Variants in PTPRK observed in about 807,000 individuals in gnomAD.
PTPRK encodes the protein protein tyrosine phosphatase receptor type K, also known as receptor-type tyrosine-protein phosphatase kappa.
In PTPRK, 75 loss-of-function variants were observed where a neutral mutation model predicts 178.0. The observed-to-expected ratio is 0.42, with a 90% confidence interval of 0.35 to 0.51. PTPRK has a LOEUF of 0.51. Ranked by LOEUF, PTPRK falls within the 20% of genes least tolerant of loss-of-function variation. The pLI is 0.02. For missense variants in PTPRK, 1,441 were observed against 1,797.8 expected, an observed-to-expected ratio of 0.80 and a Z score of 3.59; for synonymous variants, 637 against 620.6, an observed-to-expected ratio of 1.03 and a Z score of -0.39.
At chr6:128,400,680 A>G (rs1309942016) in intron 1 of PTPRK, among the ~76,000 whole-genome samples, 5 of 152,192 alleles carry the variant, frequency 3.3e-5, no homozygotes, top group African/African-American at 9.7e-5. Context: ...TACAGTTCCT[A>G]TTGACCATTT....
intron 1 of PTPRK, among the ~76,000 whole-genome samples, chr6:128,438,643 A>T (rs183846922): frequency 1.3e-5 from 2 of 152,352 alleles, no homozygotes; most frequent in Admixed American, 1.3e-4. Context: ...ATCAACTTAC[A>T]AAAAGATACA....
chr6:128,378,318 G>A (rs1837392273), intron 2 of PTPRK, among the ~76,000 whole-genome samples: 1 of 151,854 alleles, frequency 6.6e-6, no homozygotes, highest in African/African-American at 2.4e-5. Flanking sequence ...AATTTTGAAA[G>A]CAAAACAAAA....
At chr6:128,496,112 G>C (rs985862900) in intron 1 of PTPRK, among the ~76,000 whole-genome samples, 1 of 152,066 alleles carries the variant, frequency 6.6e-6, no homozygotes, top group African/African-American at 2.4e-5. Flanking sequence ...AGGATGAAAA[G>C]TCCACAATGA....
At chr6:128,166,612 T>C (rs1467989825) in intron 7 of PTPRK, among the ~76,000 whole-genome samples, 1 of 151,778 alleles carries the variant, frequency 6.6e-6, no homozygotes, top group African/African-American at 2.4e-5. Context: ...CTTTTATTAC[T>C]AGTACATTTA....
At chr6:128,060,391 G>A (rs1780608286) in intron 13 of PTPRK, among the ~76,000 whole-genome samples, 1 of 152,068 alleles carries the variant, frequency 6.6e-6, no homozygotes, top group Non-Finnish European at 1.5e-5. Flanking sequence ...CCATCCTTAA[G>A]ACACTTGATA....
chr6:128,361,888 A>G (rs1834812553), intron 2 of PTPRK, among the ~76,000 whole-genome samples: 1 of 152,228 alleles, frequency 6.6e-6, no homozygotes, highest in Non-Finnish European at 1.5e-5. Context: ...TTGTGCAAAT[A>G]GCACATTCCA....
intron 2 of PTPRK, among the ~76,000 whole-genome samples, chr6:128,381,064 T>G (rs1189636394): frequency 6.6e-6 from 1 of 152,206 alleles, no homozygotes; most frequent in African/African-American, 2.4e-5. Context: ...TGAGATACTT[T>G]TAACAATTTT....
chr6:128,090,988 G>A (rs1218706859), intron 7 of PTPRK, among the ~76,000 whole-genome samples: 1 of 152,136 alleles, frequency 6.6e-6, no homozygotes, highest in African/African-American at 2.4e-5. Context: ...TGACTTGGGG[G>A]CTTTCATAAA....
intron 7 of PTPRK, among the ~76,000 whole-genome samples, chr6:128,154,173 T>C (rs1797664022): frequency 6.6e-6 from 1 of 151,786 alleles, no homozygotes; most frequent in Non-Finnish European, 1.5e-5. Context: ...CAGTTGCATG[T>C]CACATCTTAT....
At chr6:128,108,069 AAC>A (rs67513455) in intron 7 of PTPRK, among the ~76,000 whole-genome samples, 25,267 of 133,474 alleles carry the variant, frequency 0.19, 2,993 homozygotes, top group African/African-American at 0.36. Context: ...TAAATAGCAA[AAC>A]ACACACACAC....
At chr6:127,984,252 T>C (rs115032078) in intron 22 of PTPRK, among the ~76,000 whole-genome samples, 155 of 152,312 alleles carry the variant, frequency 1.0e-3, no homozygotes, top group African/African-American at 3.4e-3. Flanking sequence ...ATTCAGTATC[T>C]TCCTTCTAGC....
intron 7 of PTPRK, among the ~76,000 whole-genome samples, chr6:128,136,706 C>T (rs1795068679): frequency 6.6e-6 from 1 of 152,130 alleles, no homozygotes; most frequent in Non-Finnish European, 1.5e-5. Context: ...TTTAAAACCA[C>T]TATCTTATTT....
intron 1 of PTPRK, among the ~76,000 whole-genome samples, chr6:128,518,695 T>C (rs890189815): frequency 3.9e-5 from 6 of 152,332 alleles, no homozygotes; most frequent in Non-Finnish European, 8.8e-5. Context: ...CATGCAGTAA[T>C]GCTTACTCCA....
chr6:128,185,759 G>A (rs532651505), intron 6 of PTPRK, among the ~76,000 whole-genome samples: 16 of 152,152 alleles, frequency 1.1e-4, no homozygotes, highest in Non-Finnish European at 1.8e-4. Context: ...CTACAGGTAC[G>A]GGGTGGACTG....
intron 13 of PTPRK, among the ~76,000 whole-genome samples, chr6:128,011,758 T>G (rs1779087585): frequency 6.6e-6 from 1 of 151,216 alleles, no homozygotes; most frequent in South Asian, 2.1e-4. Flanking sequence ...AATGAATTCA[T>G]GTAAACATAT....
intron 6 of PTPRK, among the ~76,000 whole-genome samples, chr6:128,217,145 T>TGA (rs1038629545): frequency 1.3e-5 from 2 of 152,062 alleles, no homozygotes; most frequent in Non-Finnish European, 2.9e-5. Context: ...TAGGCTCAGG[T>TGA]GAGAGAGATG....
In PTPRK at chr6:127,977,027, C is replaced by G. The variant is rs750045161; in HGVS notation, c.3739G>C (p.Val1247Leu). 1 of 1,613,924 alleles carries G rather than the reference C, an allele frequency of 6.2e-7. No homozygotes were observed. Among genetic ancestry groups the G allele is most frequent in the African/African-American group, 1.3e-5 (1 of 74,988 alleles). ...GTGTTTGGCAGAGGGTATTGTGTGA[C>G]GATGAAAGCAGCTGGTTGCCTGTAG... ...DSYRQPAAFI[V>L]TQYPLPNTVK... The change falls in exon 26 of 30, where the codon GTC (valine) becomes CTC (leucine). Residue 1247 changes from valine (V) to leucine (L), a missense_variant. Val to Leu is a conservative substitution (Grantham distance 32). This residue lies in a region of PTPRK where 335 missense variants were observed against 512.4 expected (regional missense o/e 0.65). Coordinates refer to ENST00000368226, the MANE Select transcript of PTPRK (RefSeq NM_002844.4).
At chr6:128,275,908 T>C (rs146907846) in intron 3 of PTPRK, among the ~76,000 whole-genome samples, 28 of 152,182 alleles carry the variant, frequency 1.8e-4, no homozygotes, top group African/African-American at 6.3e-4. Context: ...TGATATATTT[T>C]TTGCCTTTTG....
chr6:127,991,204 A>G (rs1776564444), intron 20 of PTPRK, 90 bp downstream of exon 20: 2 of 1,006,712 alleles, frequency 2.0e-6, no homozygotes, highest in Non-Finnish European at 2.9e-6. Flanking sequence ...TTTTTAAACA[A>G]TTGGATGATA....
Sources: gnomAD v4.1 joint callset for allele counts (sites outside exome capture counted in the v4.1 genomes callset) on GRCh38, gnomAD v4.1.1 for gene constraint, gnomAD v4.1.1 regional missense constraint, MANE v1.5 for transcripts, NCBI Gene and HGNC (gene_info 2026-07-23, HGNC 2026-07-21) for gene names.